The following MKLN1 variants were observed in gnomAD, a reference collection of about 807,000 sequenced individuals.
The protein encoded by MKLN1 is muskelin.
Under a neutral mutation model 99.0 loss-of-function variants are expected in MKLN1, and 18 were observed. That is an observed-to-expected ratio of 0.18 (90% CI 0.13 to 0.27). MKLN1 has a LOEUF of 0.27. Among genes scored for constraint, MKLN1 ranks in the 10% least tolerant of loss-of-function variants. The pLI, the probability that MKLN1 is intolerant of heterozygous loss-of-function variation, is 1.00. For missense variants in MKLN1, 621 were observed against 875.9 expected, an observed-to-expected ratio of 0.71 and a Z score of 3.67; for synonymous variants, 288 against 293.2, an observed-to-expected ratio of 0.98 and a Z score of 0.18.
At chr7:131,251,366 G>C (rs898930918) in intron 3 of MKLN1, among the ~76,000 whole-genome samples, 1 of 152,154 alleles carries the variant, frequency 6.6e-6, no homozygotes, top group African/African-American at 2.4e-5. Flanking sequence ...AAGAAAGCTG[G>C]GTTGGCTTTG....
chr7:131,400,518 A>ATATATATATATATATAT (rs1554567982), intron 6 of MKLN1, among the ~76,000 whole-genome samples: 20 of 137,430 alleles, frequency 1.5e-4, no homozygotes, highest in African/African-American at 2.5e-4. Context: ...ATAAAAAAAA[A>ATATATATATATATATAT]ATATATATAT....
Position 131,464,671 on chromosome 7 carries a change from A to G in MKLN1, c.1788+263A>G, listed in dbSNP as rs1796609495. 2.0e-5 allele frequency among the ~76,000 whole-genome samples: 3 copies of G among 152,370 alleles called. 1 individual carries two copies. In the South Asian group the frequency reaches 6.2e-4, roughly 32 times the overall value. ...GCTTCTTAGCTGTATAGATCTAGAT[A>G]CATGACATAGCCTATTGTTTCTACA... On this transcript the variant is annotated intron_variant, in intron 14 of 17. Transcript: ENST00000352689.
Position 131,178,708 on chromosome 7 carries a change from A to G in MKLN1, c.-296-24149A>G, listed in dbSNP as rs560371085. 3.3e-5 allele frequency among the ~76,000 whole-genome samples: 5 copies of G among 152,148 alleles called. No homozygotes were observed. In the South Asian group the frequency reaches 1.0e-3, roughly 32 times the overall value. The stretch of plus-strand genomic sequence containing the variant: ...TCCTTTTTTGTTGTTATTTTTGGCA[A>G]TCAGCTTTCTCAGGTTAAACACTCC... On this transcript the variant is annotated intron_variant, in intron 2 of 7. Transcript: ENST00000416992.
At chr7:131,155,511 T>C (rs1795949708) in intron 2 of MKLN1, among the ~76,000 whole-genome samples, 1 of 152,222 alleles carries the variant, frequency 6.6e-6, no homozygotes, top group Non-Finnish European at 1.5e-5. Context: ...GATTTTTTAT[T>C]GTAACCTTAC....
chr7:131,345,093 A>T (rs1213523886), intron 1 of MKLN1, among the ~76,000 whole-genome samples: 1 of 152,230 alleles, frequency 6.6e-6, no homozygotes, highest in Admixed American at 6.5e-5. Context: ...GGCATGAGCC[A>T]CCGCACCTGG....
intron 3 of MKLN1, among the ~76,000 whole-genome samples, chr7:131,213,487 G>C (rs1796936104): frequency 6.6e-6 from 1 of 152,190 alleles, no homozygotes; most frequent in African/African-American, 2.4e-5. Flanking sequence ...GCCAGAGTCT[G>C]TCAACCTTGT....
intron 17 of MKLN1, among the ~76,000 whole-genome samples, chr7:131,481,301 A>G (rs1292720180): frequency 6.6e-6 from 1 of 152,204 alleles, no homozygotes; most frequent in African/African-American, 2.4e-5. Flanking sequence ...GGGAATACTT[A>G]CCTCAAATTG....
intron 1 of MKLN1, among the ~76,000 whole-genome samples, chr7:131,374,844 A>G (rs1027935679): frequency 2.0e-5 from 3 of 152,122 alleles, no homozygotes; most frequent in African/African-American, 7.2e-5. Flanking sequence ...TAATGTAACA[A>G]TATGATTGCA....
At chr7:131,371,781 T>TATATATATATATATAC (rs983329738) in intron 1 of MKLN1, among the ~76,000 whole-genome samples, 2 of 151,090 alleles carry the variant, frequency 1.3e-5, no homozygotes, top group African/African-American at 4.9e-5. Context: ...TATATATATA[T>TATATATATATATATAC]ACACTTAATT....
At chr7:131,418,120 G>C (rs960256309) in intron 8 of MKLN1, among the ~76,000 whole-genome samples, 1 of 152,118 alleles carries the variant, frequency 6.6e-6, no homozygotes, top group Non-Finnish European at 1.5e-5. Context: ...TGTAATCCCA[G>C]CATTTTGGGA....
In MKLN1 at chr7:131,472,531, AAGCTT is replaced by A. The variant is rs553369884; in HGVS notation, c.2031+1589_2031+1593del. Among the ~76,000 whole-genome samples, 586 of 152,286 alleles carry A rather than the reference AAGCTT, an allele frequency of 3.8e-3. 7 individuals are homozygous for A. Among genetic ancestry groups the A allele is most frequent in the African/African-American group, 0.014 (563 of 41,552 alleles). On this transcript the variant is annotated intron_variant, in intron 16 of 17. Transcript: ENST00000352689. ...CACCAGCTTCCATTCCATTTCATAA[AAGCTT>A]AATCTAGCAAGAATTGGTGAGCCCT...
chr7:131,181,386 A>G (rs1796375058), intron 2 of MKLN1, among the ~76,000 whole-genome samples: 1 of 152,222 alleles, frequency 6.6e-6, no homozygotes. Context: ...TATGAGTTTA[A>G]TGTTACTAGC....
At chr7:131,361,619 A>C (rs1170330609) in intron 1 of MKLN1, among the ~76,000 whole-genome samples, 1 of 147,702 alleles carries the variant, frequency 6.8e-6, no homozygotes, top group Non-Finnish European at 1.5e-5. Flanking sequence ...GGTTCCCTTC[A>C]ATCCAGTTCC....
intron 2 of MKLN1, among the ~76,000 whole-genome samples, chr7:131,192,756 G>A (rs1030338179): frequency 6.6e-6 from 1 of 151,772 alleles, no homozygotes. Context: ...TGGCCAGGCT[G>A]GTCTCGAACT....
chr7:131,286,400 C>T (rs1428534410), intron 3 of MKLN1, among the ~76,000 whole-genome samples: 1 of 152,190 alleles, frequency 6.6e-6, no homozygotes, highest in African/African-American at 2.4e-5. Flanking sequence ...GTTTCATCTG[C>T]ACGTGGAATG....
chr7:131,249,420 G>C (rs1797543514), intron 3 of MKLN1, among the ~76,000 whole-genome samples: 1 of 152,142 alleles, frequency 6.6e-6, no homozygotes, highest in Non-Finnish European at 1.5e-5. Context: ...AGAAGTCTCT[G>C]GTAAAGGATG....
At chr7:131,230,840 G>A (rs945617697) in intron 3 of MKLN1, among the ~76,000 whole-genome samples, 1 of 152,164 alleles carries the variant, frequency 6.6e-6, no homozygotes, top group South Asian at 2.1e-4. Context: ...GTCTCTTTTG[G>A]CCGGGCACAG....
intron 3 of MKLN1, among the ~76,000 whole-genome samples, chr7:131,204,034 C>T (rs2116415069): frequency 6.6e-6 from 1 of 152,328 alleles, no homozygotes; most frequent in Admixed American, 6.5e-5. Context: ...AACTACCAAG[C>T]TATACTTCTT....
chr7:131,291,447 T>C (rs1798215446), intron 3 of MKLN1, among the ~76,000 whole-genome samples: 1 of 151,814 alleles, frequency 6.6e-6, no homozygotes. Flanking sequence ...ATATGTTATT[T>C]TAAGCTTCAA....
Sources: allele counts gnomAD v4.1 joint callset (sites outside exome capture counted in the v4.1 genomes callset), GRCh38; gene constraint gnomAD v4.1.1; transcripts MANE v1.5; gene names NCBI Gene and HGNC (gene_info 2026-07-23, HGNC 2026-07-21).